The following ITGAL variants were observed in gnomAD, a reference collection of about 807,000 sequenced individuals.
ITGAL encodes the protein integrin alpha-L.
A neutral mutation model predicts 138.4 loss-of-function variants in ITGAL; 68 were observed. That is an observed-to-expected ratio of 0.49 (90% confidence interval 0.40 to 0.60). The LOEUF is 0.60. ITGAL is among the 20% of genes least tolerant of loss of function. ITGAL has a pLI of 0.00. For synonymous variants in ITGAL, 561 were observed against 584.3 expected, an observed-to-expected ratio of 0.96 and a Z score of 0.57; for missense variants, 1,256 against 1,478.6, an observed-to-expected ratio of 0.85 and a Z score of 2.47.
Position 30,508,090 on chromosome 16 carries a change from A to G in ITGAL, c.2508+1234A>G, listed in dbSNP as rs1187672443. Among the ~76,000 whole-genome samples the G allele has an allele frequency of 4.1e-5, 6 of 147,274 alleles. No homozygotes were observed. In the East Asian group the frequency reaches 1.2e-3, roughly 30 times the overall value. ...CGCCCAGCTAATTTTTTGTATTTTT[A>G]GTAGAGACGGGGTTTCACTGTGTTA... On this transcript the variant is annotated intron_variant, in intron 21 of 30. Transcript: ENST00000356798.
intron 17 of ITGAL, 185 bp from the exon 18 acceptor site, chr16:30,503,990 G>A (rs547018454): frequency 5.6e-6 from 3 of 532,290 alleles, no homozygotes; most frequent in Non-Finnish European, 6.8e-6. Flanking sequence ...TAACTGTGCT[G>A]AGAAGCCCCC....
At position 30,511,156 on chromosome 16, in the gene ITGAL, C is replaced by T. The variant is rs780877867; in HGVS notation, c.2786+20C>T. On this transcript the variant is annotated intron_variant, in intron 24 of 30. Coordinates refer to ENST00000356798, the MANE Select transcript of ITGAL (RefSeq NM_002209.3). ...CCAGGAGTAAGTTCTTCCCAGCAGA[C>T]AGCCAACCCTCTCCTCCCACCGCAG... The T allele has an allele frequency of 1.9e-6, 3 of 1,586,336 alleles. No homozygotes were observed. Among genetic ancestry groups the T allele is most frequent in the East Asian group, 2.2e-5 (1 of 44,754 alleles).
At chr16:30,478,015 T>TGAAGGAAGGAAGGA (rs1391654589) in intron 4 of ITGAL, among the ~76,000 whole-genome samples, 1 of 143,478 alleles carries the variant, frequency 7.0e-6, no homozygotes, top group Non-Finnish European at 1.5e-5. Context: ...AAAAGAAAGA[T>TGAAGGAAGGAAGGA]GAAGGAAGGA....
At chr16:30,503,546 G>T (rs1303732236) in intron 17 of ITGAL, among the ~76,000 whole-genome samples, 2 of 149,244 alleles carry the variant, frequency 1.3e-5, no homozygotes, top group African/African-American at 4.9e-5. Context: ...AGGAAGGAAG[G>T]GAGGGAGGGA....
chr16:30,482,158 G>T (rs2050571304), intron 7 of ITGAL, among the ~76,000 whole-genome samples: 1 of 152,054 alleles, frequency 6.6e-6, no homozygotes, highest in Non-Finnish European at 1.5e-5. Context: ...CCCTCCCAAA[G>T]TGCTGGGATT....
chr16:30,501,867 C>CA (rs1414334484), intron 17 of ITGAL, among the ~76,000 whole-genome samples: 22 of 151,680 alleles, frequency 1.5e-4, no homozygotes, highest in Non-Finnish European at 2.6e-4. Flanking sequence ...CCCTTCTCTA[C>CA]AAAAAACACC....
chr16:30,518,909 A>G (rs1359344212), intron 29 of ITGAL, among the ~76,000 whole-genome samples, 190 bp downstream of exon 29: 1 of 152,144 alleles, frequency 6.6e-6, no homozygotes. Context: ...CCTGAGATGT[A>G]GTAGACTTAT....
chr16:30,475,993 T>C (rs2050465989), intron 4 of ITGAL, among the ~76,000 whole-genome samples: 1 of 152,016 alleles, frequency 6.6e-6, no homozygotes, highest in Admixed American at 6.6e-5. Flanking sequence ...TCCTCCTGCC[T>C]CTAATCCCAG....
chr16:30,513,705 A>C (rs1050657382), intron 24 of ITGAL, 66 bp from the exon 25 acceptor site: 1 of 1,257,524 alleles, frequency 8.0e-7, no homozygotes, highest in African/African-American at 1.5e-5. Context: ...CTGGGCGCTC[A>C]GAAGCTTCCT....
At chr16:30,493,817 G>A (rs754775851) in intron 11 of ITGAL, among the ~76,000 whole-genome samples, 10 of 152,094 alleles carry the variant, frequency 6.6e-5, no homozygotes, top group East Asian at 1.9e-4. Context: ...GCTTGAACCC[G>A]GGAGGCGGAG....
At chr16:30,509,176 C>CA (rs542213432) in intron 21 of ITGAL, among the ~76,000 whole-genome samples, 2,085 of 92,786 alleles carry the variant, frequency 0.022, 32 homozygotes, top group African/African-American at 0.063. Context: ...GACTCCATCT[C>CA]AAAAAAAAAA....
Position 30,521,653 on chromosome 16 carries a change from T to TGGC in ITGAL, c.3502_3504dup (p.Gly1168dup). On this transcript the variant is annotated inframe_insertion, in exon 31 of 31. Transcript: ENST00000356798. ...ATGAGAAGGACTCTGAGAGTGGTGG[T>TGGC]GGCAAGGACTGAGTCCAGGCCTGTG... 2 of 1,613,750 alleles carry TGGC rather than the reference T, an allele frequency of 1.2e-6. No homozygotes were observed. The highest frequency in any genetic ancestry group is 1.7e-6 in the Non-Finnish European group (2 of 1,179,996).
At position 30,479,152 on chromosome 16, in the gene ITGAL, A is replaced by G. The variant is rs1259687463; in HGVS notation, c.389A>G (p.Tyr130Cys). The G allele has an allele frequency of 1.2e-6, 2 of 1,613,988 alleles. No individual in the cohort carries two copies. The highest frequency in any genetic ancestry group is 1.7e-6 in the Non-Finnish European group (2 of 1,179,990). Residue 130 changes from tyrosine to cysteine, a missense_variant, in exon 5 of 31, where the codon TAC becomes TGC. Coordinates refer to ENST00000356798, the MANE Select transcript of ITGAL (RefSeq NM_002209.3). ...AACACCTATCTGAGTGGCCTGTGTT[A>G]CCTCTTCCGCCAGAATCTGCAGGGT... ...DQNTYLSGLC[Y>C]LFRQNLQGPM...
chr16:30,514,911 G>A (rs746121778), intron 25 of ITGAL, among the ~76,000 whole-genome samples: 8 of 147,644 alleles, frequency 5.4e-5, no homozygotes, highest in African/African-American at 1.5e-4. Context: ...TGCAACCTCC[G>A]CCTCCTGGAT....
chr16:30,518,535 C>T (rs2051205054), intron 28 of ITGAL, 89 bp from the exon 29 acceptor site: 2 of 837,514 alleles, frequency 2.4e-6, no homozygotes, highest in African/African-American at 3.3e-5. Flanking sequence ...CCCTTCTCTG[C>T]CCCTCCCCAC....
intron 24 of ITGAL, among the ~76,000 whole-genome samples, chr16:30,512,327 C>T (rs1361070397): frequency 6.6e-6 from 1 of 152,106 alleles, no homozygotes; most frequent in Non-Finnish European, 1.5e-5. Context: ...TGGCTCACAC[C>T]TGTAATCCTA....
rs547565524 is a variant in ITGAL at position 30,486,931 on chromosome 16, G to GACTACAGAT, written c.1007-2148_1007-2140dup. ...CCACCTTGACCTCCTGAGTAGCTGG[G>GACTACAGAT]ACTACAGATACACACCACCACACCT... On this transcript the variant is annotated intron_variant, in intron 9 of 30. Coordinates refer to ENST00000356798, the MANE Select transcript of ITGAL (RefSeq NM_002209.3). Among the ~76,000 whole-genome samples, 3 of 152,022 alleles carry GACTACAGAT rather than the reference G, an allele frequency of 2.0e-5. No homozygotes were observed. The South Asian group carries it at 6.2e-4, about 32-fold the overall frequency.
Position 30,521,484 on chromosome 16 carries a change from T to C in ITGAL, c.3340-8T>C. 2 of 1,612,038 alleles carry C rather than the reference T, an allele frequency of 1.2e-6. No individual in the cohort carries two copies. The highest frequency in any genetic ancestry group is 1.7e-6 in the Non-Finnish European group (2 of 1,178,940). Reference sequence around the variant, plus strand: ...TTCTTTGCTCGTTCAAATTTTGTCTTTGTACAGGTTGGTTTCTTCAAACGG... The same window carrying C: ...TTCTTTGCTCGTTCAAATTTTGTCTCTGTACAGGTTGGTTTCTTCAAACGG... On this transcript the variant is annotated splice_region_variant and splice_polypyrimidine_tract_variant and intron_variant, in intron 30 of 30. Coordinates refer to ENST00000356798, the MANE Select transcript of ITGAL (RefSeq NM_002209.3).
chr16:30,483,812 C>T lies in ITGAL; in HGVS notation c.723-15C>T. On this transcript the variant is annotated splice_polypyrimidine_tract_variant and intron_variant, in intron 7 of 30. Coordinates refer to ENST00000356798, the MANE Select transcript of ITGAL (RefSeq NM_002209.3). ...GTTTGGGGGAGTCTCTCATCTCCTC[C>T]TTTCCTGGACACAGGACAGAGGTGT... 6.3e-7 allele frequency: 1 copy of T among 1,599,226 alleles called. No homozygotes were observed. Among genetic ancestry groups the T allele is most frequent in the African/African-American group, 1.3e-5 (1 of 74,616 alleles).
Sources: gnomAD v4.1 joint callset for allele counts (sites outside exome capture counted in the v4.1 genomes callset) on GRCh38, gnomAD v4.1.1 for gene constraint, MANE v1.5 for transcripts, NCBI Gene and HGNC (gene_info 2026-07-23, HGNC 2026-07-21) for gene names.